SHISA6: variants seen among roughly 807,000 people sequenced by gnomAD.
The protein encoded by SHISA6 is protein shisa-6.
In SHISA6, 22 loss-of-function variants were observed where a neutral mutation model predicts 47.9. The ratio of observed to expected loss-of-function variants is 0.46; its 90% CI spans 0.33 to 0.66. The LOEUF is 0.66. Ranked by LOEUF, SHISA6 falls within the 30% of genes least tolerant of loss-of-function variation. The probability of loss-of-function intolerance (pLI) is 0.02; values close to 1 mark genes in which losing one functional copy is unlikely to be tolerated. For synonymous variants in SHISA6, 388 were observed against 337.8 expected (o/e 1.15, Z -1.63); for missense variants, 680 against 764.6 (o/e 0.89, Z 1.30).
Position 11,508,360 on chromosome 17 carries a change from G to T in SHISA6, c.896-43536G>T, listed in dbSNP as rs1425550778. Among the ~76,000 whole-genome samples the T allele has an allele frequency of 7.9e-5, 7 of 88,530 alleles. 1 individual carries two copies. Among genetic ancestry groups the T allele is most frequent in the African/African-American group, 3.0e-4 (7 of 23,012 alleles). 58.1% of individuals were successfully genotyped at this position (88,530 alleles called of 152,430 possible). On this transcript the variant is annotated intron_variant, in intron 3 of 5. Coordinates refer to ENST00000441885, the MANE Select transcript of SHISA6 (RefSeq NM_207386.4). ...ATGGCAGAAGACAGAAGGGTAAAAA[G>T]GGACAACTCCAATGTCAAGCCCCTT...
chr17:11,248,597 G>A (rs1380250873), intron 1 of SHISA6, among the ~76,000 whole-genome samples: 4 of 152,004 alleles, frequency 2.6e-5, no homozygotes, highest in East Asian at 1.9e-4. Context: ...TCTTTCCTAC[G>A]TTTCTGTACC....
Position 11,339,591 on chromosome 17 carries a change from T to G in SHISA6, c.800-39823T>G, listed in dbSNP as rs538270996. Among the ~76,000 whole-genome samples, 19 of 152,332 alleles carry G rather than the reference T, an allele frequency of 1.2e-4. No individual in the cohort carries two copies. In the South Asian group the frequency reaches 3.3e-3, roughly 27 times the overall value. ...TTAGGAATATTCTGCTCACCTGAAG[T>G]AAGACATAAAAGCATAAAAGCTGCC... On this transcript the variant is annotated intron_variant, in intron 2 of 5. Transcript: ENST00000441885.
chr17:11,372,855 G>A (rs143336017), intron 2 of SHISA6, among the ~76,000 whole-genome samples: 6 of 152,160 alleles, frequency 3.9e-5, no homozygotes, highest in African/African-American at 1.4e-4. Flanking sequence ...CTCTGTGCCT[G>A]TTCTGAGGGC....
chr17:11,424,870 G>A (rs67923711), intron 3 of SHISA6, among the ~76,000 whole-genome samples: 16,594 of 151,794 alleles, frequency 0.11, 1,049 homozygotes, highest in Non-Finnish European at 0.14. Flanking sequence ...GGGCATGGGC[G>A]TGGTGGCGGG....
Position 11,242,035 on chromosome 17 carries a change from C to T in SHISA6, c.613C>T (p.Pro205Ser). 1 of 1,550,852 alleles carries T rather than the reference C, an allele frequency of 6.4e-7. No individual in the cohort carries two copies. The highest frequency in any genetic ancestry group is 8.7e-7 in the Non-Finnish European group (1 of 1,147,010). The stretch of plus-strand genomic sequence containing the variant: ...GGTCTCCTACGACAAGGCCCACCGC[C>T]CTCCACGGGAGATGAACATCCACAG... ...AKVSYDKAHR[P>S]PREMNIHRAL... The change falls in exon 1 of 6, where the codon CCT (proline) becomes TCT (serine). Residue 205 changes from proline to serine, a missense_variant. Physicochemically the swap from Pro to Ser is moderately conservative, Grantham distance 74. Coordinates refer to ENST00000441885, the MANE Select transcript of SHISA6 (RefSeq NM_207386.4).
At chr17:11,309,428 A>G (rs909255010) in intron 2 of SHISA6, among the ~76,000 whole-genome samples, 1 of 152,192 alleles carries the variant, frequency 6.6e-6, no homozygotes, top group South Asian at 2.1e-4. Flanking sequence ...ATTCTGTAGG[A>G]GATCCATCTT....
chr17:11,513,854 CTTAT>C (rs2071561334), intron 3 of SHISA6, among the ~76,000 whole-genome samples: 1 of 152,118 alleles, frequency 6.6e-6, no homozygotes, highest in Admixed American at 6.5e-5. Flanking sequence ...AGAGAGCCAA[CTTAT>C]TTATTTGAGA....
intron 2 of SHISA6, among the ~76,000 whole-genome samples, chr17:11,333,596 T>G (rs1275889784): frequency 1.3e-5 from 2 of 152,048 alleles, no homozygotes; most frequent in South Asian, 4.2e-4. Context: ...CTCACTGCAA[T>G]CTCCGCCTCC....
At chr17:11,284,587 G>C (rs1909231549) in intron 2 of SHISA6, among the ~76,000 whole-genome samples, 1 of 152,108 alleles carries the variant, frequency 6.6e-6, no homozygotes, top group Admixed American at 6.5e-5. Flanking sequence ...TGTTTTTAGT[G>C]CATTTTCTTC....
chr17:11,389,348 G>T (rs1004764479), intron 3 of SHISA6, among the ~76,000 whole-genome samples: 2 of 152,176 alleles, frequency 1.3e-5, no homozygotes, highest in Non-Finnish European at 2.9e-5. Flanking sequence ...CTTGCTTGCG[G>T]AAGTTTCAGC....
intron 3 of SHISA6, among the ~76,000 whole-genome samples, chr17:11,524,523 G>T (rs2142365493): frequency 6.8e-6 from 1 of 146,046 alleles, no homozygotes; most frequent in South Asian, 2.2e-4. Context: ...TTGAGATGGA[G>T]TTTTGCTCTT....
chr17:11,539,558 G>A (rs144179710), intron 3 of SHISA6, among the ~76,000 whole-genome samples: 104 of 152,298 alleles, frequency 6.8e-4, no homozygotes, highest in Non-Finnish European at 1.4e-3. Context: ...GCTACCAAAC[G>A]TGAGGAAACT....
intron 3 of SHISA6, among the ~76,000 whole-genome samples, chr17:11,427,428 C>T (rs60238730): frequency 0.033 from 5,072 of 152,132 alleles, 146 homozygotes; most frequent in African/African-American, 0.075. Context: ...CCACCGCGCC[C>T]GGCCCTTCCT....
In SHISA6 at chr17:11,558,235, G is replaced by T; in HGVS notation, c.1587G>T (p.Val529=). The change falls in exon 6 of 6, where the codon GTG becomes GTT. Residue 529 remains valine, a synonymous_variant. Coordinates refer to ENST00000441885, the MANE Select transcript of SHISA6 (RefSeq NM_207386.4). ...TTGCCTCACGCAGACACAACACGGT[G>T]GAGCAGCTGCACTACATCCCGGGCC... is the stretch of plus-strand genomic sequence containing the variant. ...HAFASRRHNT[V]EQLHYIPGHH... 6.5e-7 allele frequency: 1 copy of T among 1,540,714 alleles called. No homozygotes were observed.
chr17:11,318,850 C>T (rs535871965), intron 2 of SHISA6, among the ~76,000 whole-genome samples: 79 of 152,002 alleles, frequency 5.2e-4, no homozygotes, highest in South Asian at 4.4e-3. Flanking sequence ...TTTTTCATTC[C>T]GTCCTTTTCT....
At chr17:11,258,628 G>A (rs1908104935) in intron 1 of SHISA6, among the ~76,000 whole-genome samples, 1 of 152,208 alleles carries the variant, frequency 6.6e-6, no homozygotes, top group Non-Finnish European at 1.5e-5. Flanking sequence ...ACTGGGAAAT[G>A]CTTGGAGGAA....
At chr17:11,390,975 T>C (rs932474412) in intron 3 of SHISA6, among the ~76,000 whole-genome samples, 3 of 152,174 alleles carry the variant, frequency 2.0e-5, no homozygotes, top group African/African-American at 7.2e-5. Flanking sequence ...GAGGATATTA[T>C]AAGAGAAAAA....
chr17:11,542,639 C>T (rs530993039), intron 3 of SHISA6, among the ~76,000 whole-genome samples: 1 of 152,056 alleles, frequency 6.6e-6, no homozygotes, highest in Non-Finnish European at 1.5e-5. Flanking sequence ...AATTCTTTTA[C>T]CCCGAGATAA....
rs560080041 is a variant in SHISA6, at chr17:11,563,044, G to C, written c.*4740G>C. The C allele has an allele frequency of 6.6e-6, 1 of 152,406 alleles. No homozygotes were observed. Among genetic ancestry groups the C allele is most frequent in the East Asian group, 1.9e-4 (1 of 5,182 alleles). 9.4% of individuals were successfully genotyped at this position (152,406 alleles called of 1,614,324 possible). On this transcript the variant is annotated 3_prime_UTR_variant, in exon 6 of 6. Transcript: ENST00000441885. ...GGAATTCTGGGGAATTCTGAGTTTG[G>C]AGTTTCCATTTGGATACGGTCCTTA... is the stretch of plus-strand genomic sequence containing the variant.
Sources: allele counts gnomAD v4.1 joint callset (sites outside exome capture counted in the v4.1 genomes callset), GRCh38; gene constraint gnomAD v4.1.1; transcripts MANE v1.5; gene names NCBI Gene and HGNC (gene_info 2026-07-23, HGNC 2026-07-21).